The following CNTN1 variants were observed in gnomAD, a reference collection of about 807,000 sequenced individuals.
CNTN1 encodes the protein contactin 1.
In CNTN1, 38 loss-of-function variants were observed where a neutral mutation model predicts 126.4. The observed-to-expected ratio is 0.30, with a 90% CI of 0.23 to 0.39. The LOEUF (loss-of-function observed/expected upper bound fraction) is 0.39. CNTN1 is among the 10% of genes least tolerant of loss of function. The pLI, the probability that CNTN1 is intolerant of heterozygous loss-of-function variation, is 1.00. For missense variants in CNTN1, 1,009 were observed against 1,248.4 expected, an observed-to-expected ratio of 0.81 and a Z score of 2.89; for synonymous variants, 413 against 422.6, an observed-to-expected ratio of 0.98 and a Z score of 0.28.
chr12:40,797,964 C>T (rs146198992), intron 1 of CNTN1, among the ~76,000 whole-genome samples: 149 of 151,946 alleles, frequency 9.8e-4, no homozygotes, highest in Non-Finnish European at 1.5e-3. Context: ...GTTTGAGATG[C>T]CTGTATATAT....
chr12:40,720,358 T>C (rs1223244610), intron 1 of CNTN1, among the ~76,000 whole-genome samples: 1 of 152,126 alleles, frequency 6.6e-6, no homozygotes, highest in Non-Finnish European at 1.5e-5. Flanking sequence ...GCTTATTTCA[T>C]TGTTAAATAC....
intron 1 of CNTN1, among the ~76,000 whole-genome samples, chr12:40,907,568 ATT>A: frequency 6.6e-6 from 1 of 152,278 alleles, no homozygotes. Flanking sequence ...TGATTGCAAA[ATT>A]TTTAAAAGCA....
At chr12:40,924,383 T>C (rs760608825) in intron 5 of CNTN1, among the ~76,000 whole-genome samples, 174 bp from the exon 6 acceptor site, 2 of 152,184 alleles carry the variant, frequency 1.3e-5, no homozygotes, top group African/African-American at 2.4e-5. Flanking sequence ...TTTAATAGTC[T>C]ATACAAAATC....
intron 1 of CNTN1, among the ~76,000 whole-genome samples, chr12:40,779,434 T>C (rs1939708976): frequency 6.6e-6 from 1 of 151,890 alleles, no homozygotes; most frequent in Non-Finnish European, 1.5e-5. Context: ...TGGTATCATT[T>C]GGATGTGTAG....
At chr12:40,717,172 G>T (rs1439156667) in intron 1 of CNTN1, among the ~76,000 whole-genome samples, 1 of 152,062 alleles carries the variant, frequency 6.6e-6, no homozygotes, top group African/African-American at 2.4e-5. Flanking sequence ...ATCAAAACCT[G>T]AACCCAGTAC....
intron 1 of CNTN1, among the ~76,000 whole-genome samples, chr12:40,830,142 T>A (rs745895104): frequency 1.3e-5 from 2 of 152,150 alleles, no homozygotes; most frequent in Non-Finnish European, 2.9e-5. Flanking sequence ...CCCAAGCCAT[T>A]AGCCAATCTC....
intron 1 of CNTN1, among the ~76,000 whole-genome samples, chr12:40,813,847 C>T (rs1213990356): frequency 6.6e-6 from 1 of 152,168 alleles, no homozygotes; most frequent in Admixed American, 6.5e-5. Flanking sequence ...CACAGCCTCG[C>T]CAGCATCTAT....
chr12:40,773,666 T>C (rs1217425625), intron 1 of CNTN1, among the ~76,000 whole-genome samples: 32 of 10,106 alleles, frequency 3.2e-3, no homozygotes, highest in African/African-American at 5.7e-3. Context: ...CACATATATA[T>C]ATATATACAC....
In CNTN1 at chr12:40,844,962, A is replaced by G. The variant is rs1942445432; in HGVS notation, c.-76-63395A>G. On this transcript the variant is annotated intron_variant, in intron 1 of 23. Transcript: ENST00000551295. ...TTCTCCAGAAAATAAAGGAAATTTCAATGAAAGAAAAAGCACTCTTCTGTT... is the reference window on the plus strand; with the variant it reads ...TTCTCCAGAAAATAAAGGAAATTTCGATGAAAGAAAAAGCACTCTTCTGTT... Among the ~76,000 whole-genome samples the G allele has an allele frequency of 2.0e-5, 3 of 152,222 alleles. No individual in the cohort carries two copies. In the South Asian group the frequency reaches 6.2e-4, roughly 31 times the overall value.
chr12:40,979,480 C>T (rs1947765634), intron 15 of CNTN1, among the ~76,000 whole-genome samples: 1 of 151,922 alleles, frequency 6.6e-6, no homozygotes, highest in African/African-American at 2.4e-5. Context: ...CAAATGTCCT[C>T]TTTAGTATTA....
At chr12:41,016,140 G>GC (rs1948774900) in intron 18 of CNTN1, among the ~76,000 whole-genome samples, 1 of 151,164 alleles carries the variant, frequency 6.6e-6, no homozygotes. Context: ...TTGAAGCCCT[G>GC]TTCTAGGTGC....
intron 1 of CNTN1, among the ~76,000 whole-genome samples, chr12:40,901,933 C>G (rs1771463117): frequency 6.6e-6 from 1 of 152,114 alleles, no homozygotes; most frequent in African/African-American, 2.4e-5. Context: ...CAGTGTGAGG[C>G]TGATCTAAAA....
At chr12:40,744,784 T>G (rs1271761909) in intron 1 of CNTN1, among the ~76,000 whole-genome samples, 1 of 152,120 alleles carries the variant, frequency 6.6e-6, no homozygotes, top group Non-Finnish European at 1.5e-5. Flanking sequence ...AATGATAGAT[T>G]CATAGATATA....
At chr12:41,035,585 C>T (rs1949241260) in intron 23 of CNTN1, among the ~76,000 whole-genome samples, 1 of 151,940 alleles carries the variant, frequency 6.6e-6, no homozygotes, top group Non-Finnish European at 1.5e-5. Context: ...AATAAAAACA[C>T]AAGGAAAAAT....
chr12:40,753,657 T>C (rs1170090220), intron 1 of CNTN1, among the ~76,000 whole-genome samples: 2 of 152,088 alleles, frequency 1.3e-5, no homozygotes, highest in Non-Finnish European at 2.9e-5. Context: ...TACCTCCCAA[T>C]AGGTCCCTCC....
In CNTN1 at chr12:40,922,422, T is replaced by G; in HGVS notation, c.394T>G (p.Phe132Val). 1 of 1,613,862 alleles carries G rather than the reference T, an allele frequency of 6.2e-7. No individual in the cohort carries two copies. The highest frequency in any genetic ancestry group is 1.1e-5 in the South Asian group (1 of 91,084). Residue 132 changes from phenylalanine (F) to valine (V), a missense_variant, in exon 5 of 24, where the codon TTT becomes GTT. Coordinates refer to ENST00000551295, the MANE Select transcript of CNTN1 (RefSeq NM_001843.4). ...MVRSTEATLS[F>V]GYLDPFPPEE... is the part of the protein sequence containing the mutation. Reference sequence around the variant, plus strand: ...CAGAAGCACTGAAGCAACCCTGAGCTTTGGATGTAAGTAAACTGTAACTTT... The same window carrying G: ...CAGAAGCACTGAAGCAACCCTGAGCGTTGGATGTAAGTAAACTGTAACTTT...
intron 1 of CNTN1, among the ~76,000 whole-genome samples, chr12:40,868,246 G>A (rs1189664188): frequency 6.6e-6 from 1 of 151,870 alleles, no homozygotes; most frequent in Non-Finnish European, 1.5e-5. Flanking sequence ...TTAGAACTAG[G>A]AGGCCGTTTG....
chr12:40,857,129 T>C (rs1194664784), intron 1 of CNTN1, among the ~76,000 whole-genome samples: 2 of 152,090 alleles, frequency 1.3e-5, no homozygotes, highest in African/African-American at 4.8e-5. Flanking sequence ...TGAAATGAAG[T>C]ACTGAGAACT....
chr12:40,890,336 C>T (rs1243510970), intron 1 of CNTN1, among the ~76,000 whole-genome samples: 1 of 152,120 alleles, frequency 6.6e-6, no homozygotes, highest in East Asian at 1.9e-4. Flanking sequence ...GATGAACCCG[C>T]ACTGATACAT....
Sources: allele counts gnomAD v4.1 joint callset (sites outside exome capture counted in the v4.1 genomes callset), GRCh38; gene constraint gnomAD v4.1.1; transcripts MANE v1.5; gene names NCBI Gene and HGNC (gene_info 2026-07-23, HGNC 2026-07-21).